FREM1: variants seen among roughly 807,000 people sequenced by gnomAD.
FREM1 encodes the protein FRAS1 related extracellular matrix 1, also known as FRAS1-related extracellular matrix protein 1.
FREM1 carries 220 observed loss-of-function variants against 210.1 expected under a neutral mutation model. The observed-to-expected ratio is 1.05, with a 90% CI of 0.94 to 1.17. The LOEUF is 1.17. Among genes scored for constraint, FREM1 ranks in the 50% most tolerant of loss-of-function variants. FREM1 has a pLI of 0.00. For missense variants in FREM1, 3,454 were observed against 2,675.5 expected, an observed-to-expected ratio of 1.29 and a Z score of -6.42; for synonymous variants, 1,189 against 980.2, an observed-to-expected ratio of 1.21 and a Z score of -3.98.
intron 8 of FREM1, among the ~76,000 whole-genome samples, chr9:14,843,420 A>C (rs561911690): frequency 5.3e-5 from 8 of 152,312 alleles, no homozygotes; most frequent in African/African-American, 1.9e-4. Context: ...CTGGTTCTCC[A>C]ACAGCCTAAC....
chr9:14,746,745 T>C (rs1471352655), intron 34 of FREM1, among the ~76,000 whole-genome samples, 178 bp downstream of exon 34: 1 of 152,238 alleles, frequency 6.6e-6, no homozygotes, highest in African/African-American at 2.4e-5. Flanking sequence ...TTAACTAACA[T>C]ATTTTGTGAT....
At chr9:14,752,990 C>A (rs1843658299) in intron 29 of FREM1, among the ~76,000 whole-genome samples, 1 of 152,104 alleles carries the variant, frequency 6.6e-6, no homozygotes, top group Non-Finnish European at 1.5e-5. Flanking sequence ...GTGTGCATTC[C>A]AACTTGGTTT....
chr9:14,897,847 G>C (rs1004797729), intron 1 of FREM1, among the ~76,000 whole-genome samples: 8 of 152,116 alleles, frequency 5.3e-5, no homozygotes, highest in Admixed American at 2.6e-4. Flanking sequence ...TCCTGCTTTA[G>C]CCTCCCAAAG....
intron 21 of FREM1, among the ~76,000 whole-genome samples, chr9:14,793,999 C>T (rs1361738978): frequency 6.6e-6 from 1 of 152,108 alleles, no homozygotes; most frequent in African/African-American, 2.4e-5. Flanking sequence ...ACAGATTAAT[C>T]AAAACGGGAA....
chr9:14,786,725 C>G (rs928180546), intron 23 of FREM1, among the ~76,000 whole-genome samples: 4 of 152,214 alleles, frequency 2.6e-5, no homozygotes, highest in Admixed American at 1.3e-4. Flanking sequence ...CTAAATTGGT[C>G]TTTTCATATA....
intron 27 of FREM1, among the ~76,000 whole-genome samples, chr9:14,765,479 G>A (rs142707570): frequency 4.6e-5 from 7 of 152,274 alleles, no homozygotes; most frequent in African/African-American, 1.7e-4. Context: ...AAATTAGTTA[G>A]TATGTATAAA....
At chr9:14,774,969 A>G (rs6474858) in intron 25 of FREM1, among the ~76,000 whole-genome samples, 130,353 of 152,184 alleles carry the variant, frequency 0.86, 55,996 homozygotes, top group Non-Finnish European at 0.88. Context: ...GAGTGGGTCT[A>G]GCTTGCAGTT....
At chr9:14,765,843 G>GTTCACTT (rs1354625142) in intron 27 of FREM1, among the ~76,000 whole-genome samples, 4 of 152,208 alleles carry the variant, frequency 2.6e-5, no homozygotes, top group Non-Finnish European at 4.4e-5. Flanking sequence ...TGCTTTTGAA[G>GTTCACTT]TTCACTTTTC....
chr9:14,862,173 T>C (rs956350934), intron 3 of FREM1, among the ~76,000 whole-genome samples: 1 of 152,230 alleles, frequency 6.6e-6, no homozygotes, highest in Non-Finnish European at 1.5e-5. Flanking sequence ...AATTACCTGC[T>C]CATCTTTTGC....
rs149868971 is a variant in FREM1, at chr9:14,842,085, T to C, written c.1738+231A>G. 1.1e-4 allele frequency among the ~76,000 whole-genome samples: 17 copies of C among 152,302 alleles called. No homozygotes were observed. The East Asian group carries it at 3.3e-3, about 29-fold the overall frequency. On this transcript the variant is annotated intron_variant, in intron 9 of 36. Coordinates refer to ENST00000380880, the MANE Select transcript of FREM1 (RefSeq NM_001379081.2). ...CATAGTGTAATGGTTACTTTGAGGC[T>C]CAGCTCTGGAAATCTGTAGATGCAC...
At chr9:14,874,127 A>G (rs1218595177) in intron 1 of FREM1, among the ~76,000 whole-genome samples, 2 of 152,158 alleles carry the variant, frequency 1.3e-5, no homozygotes, top group African/African-American at 2.4e-5. Flanking sequence ...TGTGGTGCTG[A>G]AAAAAATGTA....
At position 14,883,335 on chromosome 9, in the gene FREM1, C is replaced by G. The variant is rs904862442; in HGVS notation, c.-267-14091G>C. Among the ~76,000 whole-genome samples, 4 of 152,240 alleles carry G rather than the reference C, an allele frequency of 2.6e-5. No individual in the cohort carries two copies. The South Asian group carries it at 8.3e-4, about 32-fold the overall frequency. On this transcript the variant is annotated intron_variant, in intron 1 of 36. Coordinates refer to ENST00000380880, the MANE Select transcript of FREM1 (RefSeq NM_001379081.2). ...AAACTCATCCTTCAATCAACTGAGC[C>G]TAGACTGAAGGCTGCAGAATTAGAA...
chr9:14,868,930 GAGC>G lies in FREM1; in HGVS notation c.45_47del (p.Leu18del). 2 of 1,602,238 alleles carry G rather than the reference GAGC, an allele frequency of 1.2e-6. No individual in the cohort carries two copies. ...AGGTGGGGCTGGCCCAGGCCAGGAG[GAGC>G]AGCAGCAGCACGGCATTCGCAGCCC... On this transcript the variant is annotated inframe_deletion, in exon 2 of 37. Coordinates refer to ENST00000380880, the MANE Select transcript of FREM1 (RefSeq NM_001379081.2).
intron 1 of FREM1, among the ~76,000 whole-genome samples, chr9:14,886,137 A>G (rs927713068): frequency 5.3e-5 from 8 of 152,180 alleles, no homozygotes; most frequent in African/African-American, 1.7e-4. Context: ...CTGTAATCCC[A>G]GCACTTTGGG....
chr9:14,904,352 A>G (rs934592556), intron 1 of FREM1, among the ~76,000 whole-genome samples: 1 of 152,192 alleles, frequency 6.6e-6, no homozygotes, highest in African/African-American at 2.4e-5. Context: ...CACAGAAAGC[A>G]CAAATCCAAG....
At chr9:14,854,518 A>G (rs900305198) in intron 5 of FREM1, among the ~76,000 whole-genome samples, 7 of 152,146 alleles carry the variant, frequency 4.6e-5, no homozygotes, top group Admixed American at 3.3e-4. Context: ...ATAAAAGTAA[A>G]AAATATAAGA....
chr9:14,851,651 T>C, intron 5 of FREM1, 44 bp from the exon 6 acceptor site: 1 of 1,342,098 alleles, frequency 7.5e-7, no homozygotes, highest in Non-Finnish European at 1.1e-6. Flanking sequence ...ATAATATGAA[T>C]GAGGTGATAT....
At chr9:14,829,960 G>T (rs1021564717) in intron 10 of FREM1, among the ~76,000 whole-genome samples, 5 of 152,240 alleles carry the variant, frequency 3.3e-5, no homozygotes, top group South Asian at 2.1e-4. Context: ...AATGGAAGAA[G>T]GTGACACAAA....
At chr9:14,907,633 A>G (rs777560689) in intron 1 of FREM1, among the ~76,000 whole-genome samples, 30 of 152,356 alleles carry the variant, frequency 2.0e-4, no homozygotes, top group Non-Finnish European at 4.0e-4. Context: ...GAATGGCTAC[A>G]TGCCCTGAAA....
Sources: allele counts gnomAD v4.1 joint callset (sites outside exome capture counted in the v4.1 genomes callset), GRCh38; gene constraint gnomAD v4.1.1; transcripts MANE v1.5; gene names NCBI Gene and HGNC (gene_info 2026-07-23, HGNC 2026-07-21).